The following PDE6G variants were observed in gnomAD, a reference collection of about 807,000 sequenced individuals.
The protein encoded by PDE6G is phosphodiesterase 6G.
A neutral mutation model predicts 10.9 loss-of-function variants in PDE6G; 10 were observed. The ratio of observed to expected loss-of-function variants is 0.91; its 90% CI spans 0.56 to 1.55. The LOEUF (loss-of-function observed/expected upper bound fraction) is 1.55, where lower values mean the gene tolerates loss of function less well. Ranked by LOEUF, PDE6G falls within the 40% of genes most tolerant of loss-of-function variation. PDE6G has a pLI of 0.00. For missense variants in PDE6G, 102 were observed against 110.1 expected, an observed-to-expected ratio of 0.93 and a Z score of 0.33; for synonymous variants, 41 against 42.8, an observed-to-expected ratio of 0.96 and a Z score of 0.16.
Position 81,653,295 on chromosome 17 carries a change from T to C in PDE6G, c.11A>G (p.Glu4Gly), listed in dbSNP as rs750845785. The change falls in exon 2 of 4, where the codon GAA becomes GGA. Residue 4 changes from glutamate (E) to glycine (G), a missense_variant. Transcript: ENST00000331056. This position sits in a 1 kb window ranked among gnomAD's most constrained non-coding sequence, Gnocchi z 5.2. MNLEPPKAEFRSAT... is the reference protein window; with the variant it reads MNLGPPKAEFRSAT... ...TGACCGGAACTCAGCCTTGGGCGGTTCCAGGTTCATGGTGAGGCTGACGGA... is the reference window on the plus strand; with the variant it reads ...TGACCGGAACTCAGCCTTGGGCGGTCCCAGGTTCATGGTGAGGCTGACGGA... 3 of 1,613,434 alleles carry C rather than the reference T, an allele frequency of 1.9e-6. No homozygotes were observed. The highest frequency in any genetic ancestry group is 2.5e-6 in the Non-Finnish European group (3 of 1,179,940).
chr17:81,653,309 G>A lies in PDE6G; in HGVS notation c.-4C>T. 3.1e-6 allele frequency: 5 copies of A among 1,611,362 alleles called. No individual in the cohort carries two copies. The South Asian group carries it at 5.5e-5, about 18-fold the overall frequency. On this transcript the variant is annotated 5_prime_UTR_variant, in exon 2 of 4. Transcript: ENST00000331056. This position sits in a 1 kb window ranked among gnomAD's most constrained non-coding sequence, Gnocchi z 5.2. ...CCTTGGGCGGTTCCAGGTTCATGGT[G>A]AGGCTGACGGAGACACCGCGGCAAC... is the stretch of plus-strand genomic sequence containing the variant.
At chr17:81,661,178 C>T (rs752016688), upstream of PDE6G, among the ~76,000 whole-genome samples, 2 of 152,148 alleles carry the variant, frequency 1.3e-5, no homozygotes, top group Non-Finnish European at 2.9e-5. Flanking sequence ...GAGTTTACGA[C>T]CAACTTGGGC....
Position 81,651,041 on chromosome 17 carries a change from G to C in PDE6G, c.*33C>G, listed in dbSNP as rs763966921. ...AGGGTTTAGAGCACAGTGGGCAGGAGGGGGAGGGTCTGGACTTCAGCAGGG... is the reference window on the plus strand; with the variant it reads ...AGGGTTTAGAGCACAGTGGGCAGGACGGGGAGGGTCTGGACTTCAGCAGGG... On this transcript the variant is annotated 3_prime_UTR_variant, in exon 4 of 4. Transcript: ENST00000331056. The surrounding 1 kb of genome is among the most constrained non-coding windows in gnomAD (Gnocchi z 4.8). 1.7e-5 allele frequency: 25 copies of C among 1,494,610 alleles called. No individual in the cohort carries two copies. The Admixed American group carries it at 2.0e-4, about 12-fold the overall frequency. The allele number at this position is 1,494,610 out of a possible 1,614,324, so 92.6% of individuals were successfully genotyped here.
chr17:81,663,124 G>T (rs772686097), upstream of PDE6G: 1 of 152,334 alleles, frequency 6.6e-6, no homozygotes, highest in Middle Eastern at 3.4e-3. Context: ...TTCATTCACC[G>T]GCTCAGGTTG....
chr17:81,653,632 G>A lies in PDE6G; in HGVS notation c.-59-268C>T, dbSNP rs185139049. The A allele has an allele frequency of 2.5e-5, 10 of 394,578 alleles. No homozygotes were observed. In the East Asian group the frequency reaches 4.3e-4, roughly 17 times the overall value. The allele number at this position is 394,578 out of a possible 1,614,324, so 24.4% of individuals were successfully genotyped here. The stretch of plus-strand genomic sequence containing the variant: ...ACTCCCCCCTGTCCTGGCCTCCCTC[G>A]CCCCGGCCCACAATCCACAGCAAAC... On this transcript the variant is annotated intron_variant, in intron 1 of 3. Coordinates refer to ENST00000331056, the MANE Select transcript of PDE6G (RefSeq NM_002602.4). This position sits in a 1 kb window ranked among gnomAD's most constrained non-coding sequence, Gnocchi z 5.2.
At chr17:81,659,111 C>T (rs996853856), upstream of PDE6G, among the ~76,000 whole-genome samples, 4 of 151,598 alleles carry the variant, frequency 2.6e-5, no homozygotes, top group African/African-American at 9.7e-5. Context: ...TGGCTCAATC[C>T]CTCACTCAGC....
At chr17:81,661,196 G>C (rs34670159), upstream of PDE6G, among the ~76,000 whole-genome samples, 13,353 of 152,226 alleles carry the variant, frequency 0.088, 842 homozygotes, top group East Asian at 0.22. Context: ...GGCAACGTAG[G>C]AAGACCCCCA....
rs1353655535 is a variant in PDE6G at position 81,651,325 on chromosome 17, G to A, written c.188-175C>T. 6.6e-6 allele frequency among the ~76,000 whole-genome samples: 1 copy of A among 152,112 alleles called. No individual in the cohort carries two copies. Among genetic ancestry groups the A allele is most frequent in the Non-Finnish European group, 1.5e-5 (1 of 67,998 alleles). On this transcript the variant is annotated intron_variant, in intron 3 of 3. Coordinates refer to ENST00000331056, the MANE Select transcript of PDE6G (RefSeq NM_002602.4). This position sits in a 1 kb window ranked among gnomAD's most constrained non-coding sequence, Gnocchi z 4.8. ...GACACACTGGCTGTGGGGGAAGGAG[G>A]GTGGGTGCAGCAGGTCCAGGGGAGG...
intron 1 of PDE6G, among the ~76,000 whole-genome samples, chr17:81,656,152 T>A (rs574990571): frequency 3.3e-5 from 5 of 152,176 alleles, no homozygotes; most frequent in Non-Finnish European, 7.4e-5. Flanking sequence ...AACCATCAGA[T>A]GCCATCCATG....
chr17:81,653,326 C>T lies in PDE6G; in HGVS notation c.-21G>A, dbSNP rs370854624. 3.7e-6 allele frequency: 6 copies of T among 1,610,174 alleles called. No homozygotes were observed. The highest frequency in any genetic ancestry group is 1.3e-5 in the African/African-American group (1 of 74,866). On this transcript the variant is annotated 5_prime_UTR_variant, in exon 2 of 4. Coordinates refer to ENST00000331056, the MANE Select transcript of PDE6G (RefSeq NM_002602.4). The surrounding 1 kb of genome is among the most constrained non-coding windows in gnomAD (Gnocchi z 5.2). ...TTCATGGTGAGGCTGACGGAGACAC[C>T]GCGGCAACCTTGGCTCCTGGACTCC...
chr17:81,656,526 T>C lies in PDE6G; in HGVS notation c.-93A>G, dbSNP rs1052087370. On this transcript the variant is annotated 5_prime_UTR_variant, in exon 1 of 4. Transcript: ENST00000331056. The stretch of plus-strand genomic sequence containing the variant: ...GGGCGGGTCTCAGGGGGCTGTGCTG[T>C]GAGTGCTGGGCCTCCCTCCGCAGGG... The C allele has an allele frequency of 1.3e-6, 1 of 764,028 alleles. No homozygotes were observed. The highest frequency in any genetic ancestry group is 2.4e-6 in the Non-Finnish European group (1 of 417,490). 47.3% of individuals were successfully genotyped at this position (764,028 alleles called of 1,614,324 possible).
In PDE6G at chr17:81,650,664, C is replaced by G; in HGVS notation, c.*410G>C. 1 of 456,432 alleles carries G rather than the reference C, an allele frequency of 2.2e-6. No homozygotes were observed. Among genetic ancestry groups the G allele is most frequent in the Non-Finnish European group, 4.4e-6 (1 of 228,408 alleles). The allele number at this position is 456,432 out of a possible 1,614,324, so 28.3% of individuals were successfully genotyped here. On this transcript the variant is annotated 3_prime_UTR_variant, in exon 4 of 4. Transcript: ENST00000331056. Reference sequence around the variant, plus strand: ...GAGCTTCTCTGTATCCCCTTACAGGCAGGACAGGGGGCTGGGGTGCAGAAG... The same window carrying G: ...GAGCTTCTCTGTATCCCCTTACAGGGAGGACAGGGGGCTGGGGTGCAGAAG...
At chr17:81,660,066 C>A (rs953720130), upstream of PDE6G, among the ~76,000 whole-genome samples, 3 of 151,764 alleles carry the variant, frequency 2.0e-5, no homozygotes, top group African/African-American at 7.3e-5. Context: ...GCCTGGGCAA[C>A]AAGAGCGAAA....
rs945150360 is a variant in PDE6G, at chr17:81,651,993, G to A, written c.147-308C>T. ...CGGGGGGGTGCGTGGTTGGTGCATG[G>A]TCTGAGTGTAGATTTGTGAAGGTGG... On this transcript the variant is annotated intron_variant, in intron 2 of 3. Coordinates refer to ENST00000331056, the MANE Select transcript of PDE6G (RefSeq NM_002602.4). This position sits in a 1 kb window ranked among gnomAD's most constrained non-coding sequence, Gnocchi z 4.8. Among the ~76,000 whole-genome samples, 21 of 152,236 alleles carry A rather than the reference G, an allele frequency of 1.4e-4. No individual in the cohort carries two copies. Among genetic ancestry groups the A allele is most frequent in the African/African-American group, 4.8e-4 (20 of 41,468 alleles).
chr17:81,651,074 C>T lies in PDE6G; in HGVS notation c.264G>A (p.Ter88=). 6.2e-7 allele frequency: 1 copy of T among 1,610,140 alleles called. No homozygotes were observed. Among genetic ancestry groups the T allele is most frequent in the Non-Finnish European group, 8.5e-7 (1 of 1,176,404 alleles). ...LHELAQYGII[*] ...GTCTGGACTTCAGCAGGGCCTCGTGCTAGATGATGCCATATTGGGCCAGCT... is the reference window on the plus strand; with the variant it reads ...GTCTGGACTTCAGCAGGGCCTCGTGTTAGATGATGCCATATTGGGCCAGCT... Residue 88 remains the stop codon, a stop_retained_variant, in exon 4 of 4, where the codon TAG becomes TAA. Transcript: ENST00000331056. The surrounding 1 kb of genome is among the most constrained non-coding windows in gnomAD (Gnocchi z 4.8).
rs1181968251 is a variant in PDE6G, at chr17:81,653,148, A to G, written c.146+12T>C. ...CTCCCTTTCAGAGGCCCCATCCCCCAGCTCTGCTTACCCTTGAACGCCTTT... is the reference window on the plus strand; with the variant it reads ...CTCCCTTTCAGAGGCCCCATCCCCCGGCTCTGCTTACCCTTGAACGCCTTT... On this transcript the variant is annotated intron_variant, in intron 2 of 3. Coordinates refer to ENST00000331056, the MANE Select transcript of PDE6G (RefSeq NM_002602.4). This position sits in a 1 kb window ranked among gnomAD's most constrained non-coding sequence, Gnocchi z 5.2. The G allele has an allele frequency of 1.6e-5, 26 of 1,609,878 alleles. No individual in the cohort carries two copies. The highest frequency in any genetic ancestry group is 2.1e-5 in the Non-Finnish European group (25 of 1,178,372).
rs2036386585 is a variant in PDE6G at position 81,653,033 on chromosome 17, C to T, written c.146+127G>A. On this transcript the variant is annotated intron_variant, in intron 2 of 3. Transcript: ENST00000331056. The surrounding 1 kb of genome is among the most constrained non-coding windows in gnomAD (Gnocchi z 5.2). ...GGCCCTCAGGCACCGCCCTACCTTC[C>T]CCAGCTGTGAGGCTGGGACCACTCA... The T allele has an allele frequency of 4.4e-6, 5 of 1,145,448 alleles. No individual in the cohort carries two copies. The highest frequency in any genetic ancestry group is 1.5e-5 in the African/African-American group (1 of 65,958). 71.0% of individuals were successfully genotyped at this position (1,145,448 alleles called of 1,614,324 possible).
upstream of PDE6G, among the ~76,000 whole-genome samples, chr17:81,658,320 G>A (rs1311983105): frequency 6.6e-6 from 1 of 151,578 alleles, no homozygotes; most frequent in Non-Finnish European, 1.5e-5. Flanking sequence ...TCCTGACCTC[G>A]TGATCTGCCC....
At chr17:81,656,371 A>T (rs1438122512) in intron 1 of PDE6G, 122 bp downstream of exon 1, 17 of 664,044 alleles carry the variant, frequency 2.6e-5, no homozygotes, top group Non-Finnish European at 5.5e-6. Context: ...GCAGACCCAG[A>T]CCTCAGCCAC....
Sources: allele counts gnomAD v4.1 joint callset (sites outside exome capture counted in the v4.1 genomes callset), GRCh38; gene constraint gnomAD v4.1.1; non-coding constraint Gnocchi (gnomAD v3.1); transcripts MANE v1.5; gene names NCBI Gene and HGNC (gene_info 2026-07-23, HGNC 2026-07-21).